The following RSF1 variants were observed in gnomAD, a reference collection of about 807,000 sequenced individuals.
RSF1 encodes the protein remodeling and spacing factor 1, also known as HBV pX-associated protein 8.
In RSF1, 13 loss-of-function variants were observed where a neutral mutation model predicts 145.2. The observed-to-expected ratio is 0.09, with a 90% CI of 0.06 to 0.14. The LOEUF (loss-of-function observed/expected upper bound fraction) is 0.14. RSF1 is among the 10% of genes least tolerant of loss of function. The pLI, the probability that RSF1 is intolerant of heterozygous loss-of-function variation, is 1.00. For synonymous variants in RSF1, 577 were observed against 592.6 expected, an observed-to-expected ratio of 0.97 and a Z score of 0.38; for missense variants, 1,517 against 1,718.2, an observed-to-expected ratio of 0.88 and a Z score of 2.07.
chr11:77,803,558 C>A (rs1168709001), intron 1 of RSF1, among the ~76,000 whole-genome samples: 1 of 151,550 alleles, frequency 6.6e-6, no homozygotes, highest in Admixed American at 6.6e-5. Flanking sequence ...GCGGGTGGAT[C>A]ACTTGAGGTC....
the RSF1 span, chr11:77,869,302 A>C: frequency 1.6e-4 from 22 of 137,598 alleles, no homozygotes; most frequent in Admixed American, 1.6e-4. Context: ...TCGTTTATTT[A>C]TCTCTTTTTC....
At chr11:77,819,872 C>A (rs1948831112) in intron 1 of RSF1, among the ~76,000 whole-genome samples, 1 of 151,926 alleles carries the variant, frequency 6.6e-6, no homozygotes, top group African/African-American at 2.4e-5. Context: ...TGGAGAAGAA[C>A]CCCCTCCCGT....
At chr11:77,812,751 G>C (rs149331797) in intron 1 of RSF1, among the ~76,000 whole-genome samples, 2 of 151,928 alleles carry the variant, frequency 1.3e-5, no homozygotes, top group Non-Finnish European at 2.9e-5. Context: ...TTAGCTGGGC[G>C]TGGTGGCGGG....
intron 11 of RSF1, 123 bp downstream of exon 11, chr11:77,683,587 G>A: frequency 1.8e-6 from 1 of 554,036 alleles, no homozygotes; most frequent in Non-Finnish European, 3.0e-6. Flanking sequence ...AAAGATGGAA[G>A]GCAAGAAATA....
the RSF1 span, among the ~76,000 whole-genome samples, chr11:77,863,546 G>A: frequency 2.6e-5 from 4 of 151,862 alleles, no homozygotes; most frequent in Non-Finnish European, 5.9e-5. Context: ...GTGCCACTAC[G>A]CCTGGCTAAT....
chr11:77,711,853 C>T (rs953481046), intron 5 of RSF1, among the ~76,000 whole-genome samples: 1 of 152,048 alleles, frequency 6.6e-6, no homozygotes, highest in Non-Finnish European at 1.5e-5. Flanking sequence ...ATTCCAGGAT[C>T]CATGTCTCAG....
chr11:77,750,142 ATAACCTACTGT>A (rs1051357377), intron 2 of RSF1, among the ~76,000 whole-genome samples: 2 of 152,202 alleles, frequency 1.3e-5, no homozygotes, highest in African/African-American at 4.8e-5. Flanking sequence ...CAAAACAGCT[ATAACCTACTGT>A]TACCACAAAA....
intron 4 of RSF1, among the ~76,000 whole-genome samples, chr11:77,735,206 C>G (rs766177107): frequency 1.3e-5 from 2 of 152,120 alleles, no homozygotes; most frequent in African/African-American, 2.4e-5. Flanking sequence ...AGCAGGAAAC[C>G]CCGACGACTC....
the RSF1 span, among the ~76,000 whole-genome samples, chr11:77,852,657 C>G: frequency 1.3e-5 from 2 of 152,182 alleles, no homozygotes; most frequent in Non-Finnish European, 2.9e-5. Flanking sequence ...ACATTCCCAC[C>G]TCACTCCATG....
chr11:77,690,927 T>C (rs971449359), intron 9 of RSF1: 1 of 518,904 alleles, frequency 1.9e-6, no homozygotes, highest in Non-Finnish European at 3.4e-6. Context: ...AATTTGAGTA[T>C]CATATAATTT....
chr11:77,717,034 T>C (rs754579325), intron 5 of RSF1, among the ~76,000 whole-genome samples: 6 of 151,576 alleles, frequency 4.0e-5, no homozygotes, highest in Non-Finnish European at 8.8e-5. Context: ...AAAAATGAGC[T>C]AGGCATGGTG....
chr11:77,725,778 TTAAAA>T, intron 4 of RSF1, 79 bp from the exon 5 acceptor site: 1 of 1,147,420 alleles, frequency 8.7e-7, no homozygotes, highest in Non-Finnish European at 1.2e-6. Flanking sequence ...CCAATAGAAA[TTAAAA>T]TAAAAAAAGA....
chr11:77,798,440 C>T lies in RSF1; in HGVS notation c.187+22088G>A, dbSNP rs118010331. On this transcript the variant is annotated intron_variant, in intron 1 of 15. Coordinates refer to ENST00000308488, the MANE Select transcript of RSF1 (RefSeq NM_016578.4). ...TCTCTACTAAAAATACAAAATTTAG[C>T]CAGGCACACACACGCCTATAATCCC... Among the ~76,000 whole-genome samples, 9 of 151,504 alleles carry T rather than the reference C, an allele frequency of 5.9e-5. No individual in the cohort carries two copies. In the East Asian group the frequency reaches 1.6e-3, roughly 26 times the overall value.
Position 77,700,980 on chromosome 11 carries a change from G to C in RSF1, c.2249C>G (p.Pro750Arg), listed in dbSNP as rs753497749. 21 of 1,613,436 alleles carry C rather than the reference G, an allele frequency of 1.3e-5. No individual in the cohort carries two copies. The highest frequency in any genetic ancestry group is 5.5e-5 in the South Asian group (5 of 91,056). The change falls in exon 6 of 16, where the codon CCC becomes CGC. Residue 750 changes from proline to arginine, a missense_variant. Around this residue, in one of 12 missense-constraint regions of RSF1, gnomAD observed 579 missense variants for 553.5 expected, o/e 1.05. Coordinates refer to ENST00000308488, the MANE Select transcript of RSF1 (RefSeq NM_016578.4). ...CTTGTTTTCTGGTTCTAGAACTTTGGGGGGAGAATCGGGCTTCTTTTTCCG... is the reference window on the plus strand; with the variant it reads ...CTTGTTTTCTGGTTCTAGAACTTTGCGGGGAGAATCGGGCTTCTTTTTCCG... Reference protein sequence around the residue: ...SSRKKKPDSPPKVLEPENKQE... With the variant: ...SSRKKKPDSPRKVLEPENKQE...
intron 4 of RSF1, among the ~76,000 whole-genome samples, chr11:77,740,221 C>G (rs1318303726): frequency 6.6e-6 from 1 of 151,838 alleles, no homozygotes. Flanking sequence ...ATTAAAAATA[C>G]AAAATTAGCT....
intron 3 of RSF1, among the ~76,000 whole-genome samples, chr11:77,743,196 G>A (rs1186534906): frequency 2.6e-5 from 4 of 152,032 alleles, no homozygotes; most frequent in Non-Finnish European, 5.9e-5. Flanking sequence ...TTGTTCTTCT[G>A]GCTCAAGACT....
chr11:77,675,638 TC>T (rs1959681581), intron 13 of RSF1, among the ~76,000 whole-genome samples: 1 of 152,146 alleles, frequency 6.6e-6, no homozygotes. Flanking sequence ...ATCCTAACTT[TC>T]CCCTTTTCAT....
chr11:77,692,951 C>G (rs1444567656), intron 8 of RSF1, among the ~76,000 whole-genome samples: 1 of 152,192 alleles, frequency 6.6e-6, no homozygotes, highest in Non-Finnish European at 1.5e-5. Context: ...GCTGGGATTA[C>G]AGGTGTGAGC....
At chr11:77,714,747 T>C (rs1247034468) in intron 5 of RSF1, among the ~76,000 whole-genome samples, 7 of 151,814 alleles carry the variant, frequency 4.6e-5, no homozygotes, top group African/African-American at 7.3e-5. Context: ...GAGGCTGGGG[T>C]AGGAGGACTG....
Sources: allele counts gnomAD v4.1 joint callset (sites outside exome capture counted in the v4.1 genomes callset), GRCh38; gene constraint gnomAD v4.1.1; regional missense constraint gnomAD v4.1.1; transcripts MANE v1.5; gene names NCBI Gene and HGNC (gene_info 2026-07-23, HGNC 2026-07-21).